Variants in POFUT3 observed in about 807,000 individuals in gnomAD.
POFUT3 encodes protein O-fucosyltransferase 3.
chr8:33,351,425 T>A, the POFUT3 span, among the ~76,000 whole-genome samples: 39 of 152,154 alleles, frequency 2.6e-4, no homozygotes, highest in African/African-American at 8.2e-4. Flanking sequence ...ATGCCCTTCC[T>A]GGTGATGGGG....
chr8:33,389,440 T>C, the POFUT3 span: 8 of 1,614,100 alleles, frequency 5.0e-6, no homozygotes, highest in African/African-American at 9.3e-5. Flanking sequence ...TTCGTAAACA[T>C]TCACCATAGG....
chr8:33,443,087 T>C, the POFUT3 span, among the ~76,000 whole-genome samples: 1 of 152,136 alleles, frequency 6.6e-6, no homozygotes, highest in East Asian at 1.9e-4. Context: ...CACTGCGGCC[T>C]AGGTGACAGA....
chr8:33,320,653 A>G, the POFUT3 span, among the ~76,000 whole-genome samples: 1 of 152,118 alleles, frequency 6.6e-6, no homozygotes, highest in African/African-American at 2.4e-5. Context: ...ACTGGGCTGA[A>G]CGATTAAGAT....
the POFUT3 span, among the ~76,000 whole-genome samples, chr8:33,376,245 A>G: frequency 1.3e-5 from 2 of 152,200 alleles, no homozygotes; most frequent in African/African-American, 4.8e-5. Context: ...TGGGAAGACA[A>G]TCCATTATGT....
the POFUT3 span, chr8:33,361,093 T>C: frequency 4.6e-5 from 7 of 152,192 alleles, no homozygotes; most frequent in African/African-American, 1.7e-4. Context: ...ACATGATGAC[T>C]GAAAGCAGCT....
the POFUT3 span, among the ~76,000 whole-genome samples, chr8:33,447,200 A>T: frequency 6.6e-6 from 1 of 152,182 alleles, no homozygotes; most frequent in Non-Finnish European, 1.5e-5. Context: ...TGTTAATCCC[A>T]GCACTTTGGG....
At chr8:33,431,737 A>G in the POFUT3 span, among the ~76,000 whole-genome samples, 1 of 152,022 alleles carries the variant, frequency 6.6e-6, no homozygotes, top group South Asian at 2.1e-4. Flanking sequence ...CAAAGGCATC[A>G]TGTTGTAATT....
At chr8:33,471,695 A>G in the POFUT3 span, among the ~76,000 whole-genome samples, 1 of 152,208 alleles carries the variant, frequency 6.6e-6, no homozygotes, top group Non-Finnish European at 1.5e-5. Flanking sequence ...GAAATTTTTC[A>G]AAAATATTGT....
chr8:33,408,229 G>C, the POFUT3 span, among the ~76,000 whole-genome samples: 1 of 151,552 alleles, frequency 6.6e-6, no homozygotes, highest in African/African-American at 2.4e-5. Flanking sequence ...GGAGGCTGAA[G>C]CAGGGGATCA....
chr8:33,374,298 G>C, the POFUT3 span, among the ~76,000 whole-genome samples: 1 of 152,170 alleles, frequency 6.6e-6, no homozygotes, highest in African/African-American at 2.4e-5. Context: ...GATGCAATGA[G>C]AACACGTTTA....
chr8:33,436,906 C>G, the POFUT3 span, among the ~76,000 whole-genome samples: 1 of 152,126 alleles, frequency 6.6e-6, no homozygotes, highest in Admixed American at 6.6e-5. Context: ...AACCTTTTCC[C>G]CCCTCCCTCC....
the POFUT3 span, among the ~76,000 whole-genome samples, chr8:33,365,617 A>AAAG: frequency 1.3e-5 from 2 of 152,246 alleles, no homozygotes; most frequent in African/African-American, 4.8e-5. Flanking sequence ...ACACTTCTCA[A>AAAG]AAGAAGACAT....
At chr8:33,354,894 TG>T in the POFUT3 span, among the ~76,000 whole-genome samples, 2 of 152,222 alleles carry the variant, frequency 1.3e-5, no homozygotes, top group African/African-American at 4.8e-5. Flanking sequence ...TTGAACTTTA[TG>T]GTCATTTCCC....
At chr8:33,446,385 A>G in the POFUT3 span, among the ~76,000 whole-genome samples, 10 of 151,074 alleles carry the variant, frequency 6.6e-5, no homozygotes, top group Non-Finnish European at 1.0e-4. Context: ...CGAACACAGG[A>G]GGCAGCAGTT....
the POFUT3 span, among the ~76,000 whole-genome samples, chr8:33,367,041 C>T: frequency 3.3e-5 from 5 of 151,908 alleles, no homozygotes. Flanking sequence ...GTCAGGAGGT[C>T]GAGACCAGCC....
chr8:33,388,092 G>T, the POFUT3 span, among the ~76,000 whole-genome samples: 1 of 152,114 alleles, frequency 6.6e-6, no homozygotes, highest in East Asian at 1.9e-4. Context: ...AACAATTTAA[G>T]AAAGTTTTTA....
the POFUT3 span, among the ~76,000 whole-genome samples, chr8:33,358,514 G>C: frequency 6.6e-6 from 1 of 152,274 alleles, no homozygotes; most frequent in African/African-American, 2.4e-5. Context: ...TATTGTATCA[G>C]TGTTCAATTT....
the POFUT3 span, among the ~76,000 whole-genome samples, chr8:33,352,711 C>T: frequency 9.3e-4 from 141 of 152,212 alleles, no homozygotes; most frequent in African/African-American, 3.2e-3. Flanking sequence ...CAATGAAAGC[C>T]CCCATTGGGA....
chr8:33,344,328 T>C, the POFUT3 span, among the ~76,000 whole-genome samples: 29 of 152,214 alleles, frequency 1.9e-4, no homozygotes, highest in Non-Finnish European at 2.6e-4. Context: ...ACTGGCTACT[T>C]TGGTTCTGTG....
Sources: allele counts gnomAD v4.1 joint callset (sites outside exome capture counted in the v4.1 genomes callset), GRCh38; gene constraint gnomAD v4.1.1; transcripts MANE v1.5; gene names NCBI Gene and HGNC (gene_info 2026-07-23, HGNC 2026-07-21).